DMD: variants seen among roughly 807,000 people sequenced by gnomAD.
The protein encoded by DMD is dystrophin.
In DMD, 63 loss-of-function variants were observed where a neutral mutation model predicts 330.1. That is an observed-to-expected ratio of 0.19 (90% CI 0.16 to 0.24). The LOEUF (loss-of-function observed/expected upper bound fraction) is 0.24. Ranked by LOEUF, DMD falls within the 10% of genes least tolerant of loss-of-function variation. The pLI, the probability that DMD is intolerant of heterozygous loss-of-function variation, is 1.00. For missense variants in DMD, 3,344 were observed against 2,684.1 expected, an observed-to-expected ratio of 1.25 and a Z score of -5.43; for synonymous variants, 1,223 against 959.8, an observed-to-expected ratio of 1.27 and a Z score of -5.07.
intron 59 of DMD, among the ~76,000 whole-genome samples, chrX:31,447,260 A>ATTTTTTTTTTTT (rs72227601): frequency 3.8e-5 from 2 of 52,472 alleles, no homozygotes; most frequent in African/African-American, 7.1e-5. Flanking sequence ...AGATCTTGGG[A>ATTTTTTTTTTTT]TTTTTTTTTT....
Position 32,560,186 on chromosome X carries a change from G to GAA in DMD, c.1992+5514_1992+5515dup, listed in dbSNP as rs58266350. Among the ~76,000 whole-genome samples, 27 of 100,737 alleles carry GAA rather than the reference G, an allele frequency of 2.7e-4. 1 individual carries two copies. In the Middle Eastern group the frequency reaches 0.022, roughly 82 times the overall value. The allele number at this position is 100,737 out of a possible 115,157, so 87.5% of individuals were successfully genotyped here. A position where few individuals can be genotyped will look rare whatever the true frequency, so the allele number is the denominator to read the frequency against. On this transcript the variant is annotated intron_variant, in intron 16 of 78. Coordinates refer to ENST00000357033, the MANE Select transcript of DMD (RefSeq NM_004006.3). ...AACTACAAAACCTTTAGACTCGCTT[G>GAA]AAAAAAAAAATATATATATATATGC...
At chrX:31,469,727 T>C (rs769047918) in intron 59 of DMD, among the ~76,000 whole-genome samples, 1 of 111,957 alleles carries the variant, frequency 8.9e-6, no homozygotes, top group South Asian at 3.7e-4. Context: ...TCTTGCTAGG[T>C]TGGGGAAGTT....
At chrX:32,517,960 C>T in intron 18 of DMD, 48 bp downstream of exon 18, 4 of 1,184,344 alleles carry the variant, frequency 3.4e-6, no homozygotes, top group South Asian at 1.8e-5. Context: ...ACGGAGTTTA[C>T]AAGCAGCACA....
rs183961916 is a variant in DMD at position 32,377,822 on chromosome X, G to T, written c.4845+2688C>A. ...TATAATTCATAAATATATACACCCA[G>T]TATGTATCCATACAAAATTAAAAAT... On this transcript the variant is annotated intron_variant, in intron 34 of 78. Transcript: ENST00000357033. 9.0e-3 allele frequency among the ~76,000 whole-genome samples: 996 copies of T among 110,866 alleles called. 1 individual carries two copies. The highest frequency in any genetic ancestry group is 0.015 in the Non-Finnish European group (794 of 52,829).
intron 2 of DMD, among the ~76,000 whole-genome samples, chrX:32,877,544 G>A (rs1362280094): frequency 2.7e-5 from 3 of 111,956 alleles, no homozygotes; most frequent in Admixed American, 1.9e-4. Flanking sequence ...CCCTTTAGAG[G>A]TTATAGCCAA....
At chrX:31,583,185 A>G (rs779777505) in intron 55 of DMD, among the ~76,000 whole-genome samples, 1 of 112,256 alleles carries the variant, frequency 8.9e-6, no homozygotes, top group South Asian at 3.7e-4. Context: ...GCAGATGTCA[A>G]TGTAGAATGG....
At position 32,065,225 on chromosome X, in the gene DMD, T is replaced by C. The variant is rs1414085043; in HGVS notation, c.6439-96711A>G. 5.4e-5 allele frequency among the ~76,000 whole-genome samples: 6 copies of C among 111,577 alleles called. No homozygotes were observed. In the Admixed American group the frequency reaches 5.7e-4, roughly 11 times the overall value. On this transcript the variant is annotated intron_variant, in intron 44 of 78. Coordinates refer to ENST00000357033, the MANE Select transcript of DMD (RefSeq NM_004006.3). ...CGTAATAAATCACACCACAGGAACA[T>C]GTCAAAAAGACTAATGCAAGTTCTT... is the stretch of plus-strand genomic sequence containing the variant.
intron 44 of DMD, among the ~76,000 whole-genome samples, chrX:32,123,218 TATATATATATATATATATATATATAA>T (rs2096645572): frequency 1.2e-5 from 1 of 83,250 alleles, no homozygotes; most frequent in African/African-American, 4.6e-5. Flanking sequence ...TATATATATA[TATATATATATATATATATATATATAA>T]ATGATCAAAA....
chrX:32,983,541 A>T (rs985599318), intron 2 of DMD, among the ~76,000 whole-genome samples: 2 of 82,901 alleles, frequency 2.4e-5, no homozygotes, highest in Non-Finnish European at 4.3e-5. Flanking sequence ...ACACACACAC[A>T]CACACACACA....
At position 31,187,716 on chromosome X, in the gene DMD, TCAGAGAGA is replaced by T. The variant is rs1411616066; in HGVS notation, c.9808-4820_9808-4813del. On this transcript the variant is annotated intron_variant, in intron 67 of 78. Coordinates refer to ENST00000357033, the MANE Select transcript of DMD (RefSeq NM_004006.3). ...TCAGCTCTGGAATCTTCCCAGATTC[TCAGAGAGA>T]GAGAGAGAGAGAGAGAGAGAGAGAG... Among the ~76,000 whole-genome samples the T allele has an allele frequency of 1.2e-3, 92 of 76,624 alleles. 3 individuals carry two copies. The South Asian group carries it at 0.014, about 12-fold the overall frequency. The allele number at this position is 76,624 out of a possible 115,157, so 66.5% of individuals were successfully genotyped here.
intron 67 of DMD, among the ~76,000 whole-genome samples, chrX:31,190,186 A>C (rs938393597): frequency 3.6e-5 from 4 of 112,137 alleles, no homozygotes; most frequent in Non-Finnish European, 7.5e-5. Flanking sequence ...AATATGTTAA[A>C]TTTATTTTGG....
At chrX:31,955,003 CAAAAAAAA>C (rs530305580) in intron 45 of DMD, among the ~76,000 whole-genome samples, 1 of 60,278 alleles carries the variant, frequency 1.7e-5, no homozygotes, top group African/African-American at 5.9e-5. Flanking sequence ...CTGCCTCTAC[CAAAAAAAA>C]AAAAAAAAAA....
At chrX:31,547,601 T>C (rs989441349) in intron 55 of DMD, among the ~76,000 whole-genome samples, 2 of 111,740 alleles carry the variant, frequency 1.8e-5, no homozygotes, top group African/African-American at 6.5e-5. Context: ...GACCTCCTAG[T>C]GCATGGGGTT....
At chrX:33,250,280 C>T (rs2052752173) in intron 1 of DMD, among the ~76,000 whole-genome samples, 1 of 107,854 alleles carries the variant, frequency 9.3e-6, no homozygotes, top group Non-Finnish European at 1.9e-5. Flanking sequence ...GGGGTTGAAA[C>T]TGTTCCACCT....
chrX:31,379,799 T>C (rs376005967), intron 60 of DMD, among the ~76,000 whole-genome samples: 1 of 112,237 alleles, frequency 8.9e-6, no homozygotes, highest in South Asian at 3.7e-4. Context: ...ATCTGGCCAC[T>C]GGGCCAAGGA....
chrX:32,402,884 G>C (rs2098094504), intron 30 of DMD, among the ~76,000 whole-genome samples: 2 of 111,258 alleles, frequency 1.8e-5, no homozygotes, highest in Non-Finnish European at 3.8e-5. Context: ...TCTTTCTTTG[G>C]TGCTATCTAA....
At chrX:32,856,811 C>T (rs1371812756) in intron 2 of DMD, among the ~76,000 whole-genome samples, 9 of 111,874 alleles carry the variant, frequency 8.0e-5, no homozygotes, top group East Asian at 2.8e-4. Flanking sequence ...CACGGTGGCT[C>T]ACGCCTGTAA....
chrX:31,374,568 A>C (rs1364155151), intron 60 of DMD, among the ~76,000 whole-genome samples: 7 of 104,090 alleles, frequency 6.7e-5, no homozygotes, highest in African/African-American at 2.4e-4. Context: ...AAACTATCAC[A>C]TGGACAAAAG....
At chrX:31,505,586 A>G (rs2070856533) in intron 56 of DMD, among the ~76,000 whole-genome samples, 1 of 111,114 alleles carries the variant, frequency 9.0e-6, no homozygotes, top group Non-Finnish European at 1.9e-5. Flanking sequence ...TATGGTGGTT[A>G]AAAGTTCAGA....
Sources: allele counts gnomAD v4.1 joint callset (sites outside exome capture counted in the v4.1 genomes callset), GRCh38; gene constraint gnomAD v4.1.1; transcripts MANE v1.5; gene names NCBI Gene and HGNC (gene_info 2026-07-23, HGNC 2026-07-21).